Variants in MTERF4 observed in about 807,000 individuals in gnomAD.
MTERF4 encodes the protein transcription termination factor 4, mitochondrial.
MTERF4 carries 17 observed loss-of-function variants against 22.5 expected under a neutral mutation model. That is an observed-to-expected ratio of 0.75 (90% CI 0.52 to 1.13). The LOEUF (loss-of-function observed/expected upper bound fraction) is 1.13, where lower values mean the gene tolerates loss of function less well. MTERF4 is among the 50% of genes most tolerant of loss of function. The pLI, the probability that MTERF4 is intolerant of heterozygous loss-of-function variation, is 0.00. For missense variants in MTERF4, 420 were observed against 466.8 expected, an observed-to-expected ratio of 0.90 and a Z score of 0.92; for synonymous variants, 165 against 175.3, an observed-to-expected ratio of 0.94 and a Z score of 0.47.
At chr2:241,070,109 C>G (rs1464893360), downstream of MTERF4, 19 of 1,612,684 alleles carry the variant, frequency 1.2e-5, no homozygotes, top group Non-Finnish European at 1.6e-5. Flanking sequence ...GACCTGCTGC[C>G]GGGACGGCGG....
downstream of MTERF4, chr2:241,082,366 TA>T (rs1282344774): frequency 6.2e-7 from 1 of 1,611,770 alleles, no homozygotes; most frequent in East Asian, 2.2e-5. Context: ...TCACCACGTG[TA>T]AGTTGGTTTC....
the MTERF4 span, chr2:241,048,403 G>A: frequency 6.2e-7 from 1 of 1,611,608 alleles, no homozygotes; most frequent in Non-Finnish European, 8.5e-7. Context: ...ACGTGTGCGA[G>A]TGCCCCGAAG....
At chr2:241,071,902 C>A, downstream of MTERF4, 1 of 1,570,630 alleles carries the variant, frequency 6.4e-7, no homozygotes, top group Non-Finnish European at 8.7e-7. Flanking sequence ...CCTCCCCACC[C>A]ACCTTGGTGG....
chr2:241,052,066 C>A, the MTERF4 span: 1 of 1,613,862 alleles, frequency 6.2e-7, no homozygotes, highest in East Asian at 2.2e-5. Context: ...GTGCCTCTGG[C>A]CCCTGTCACA....
chr2:241,054,243 A>G, the MTERF4 span, among the ~76,000 whole-genome samples: 7 of 152,178 alleles, frequency 4.6e-5, no homozygotes, highest in African/African-American at 1.4e-4. Flanking sequence ...AGAGAATATG[A>G]GCAACCAGCC....
chr2:241,078,382 C>CAAAA (rs60965517), intron 4 of MTERF4, among the ~76,000 whole-genome samples: 4 of 116,170 alleles, frequency 3.4e-5, no homozygotes, highest in Admixed American at 8.6e-5. Context: ...GACTCCGTCT[C>CAAAA]AAAAAAAAAA....
the MTERF4 span, among the ~76,000 whole-genome samples, chr2:241,046,613 A>C: frequency 0.27 from 41,011 of 152,098 alleles, 5,913 homozygotes; most frequent in Middle Eastern, 0.35. Context: ...TATAGTGATG[A>C]ACAAATCAGT....
At chr2:241,058,218 T>A in the MTERF4 span, among the ~76,000 whole-genome samples, 1 of 152,264 alleles carries the variant, frequency 6.6e-6, no homozygotes, top group East Asian at 1.9e-4. Flanking sequence ...CAATGATAAT[T>A]GGTTCCGTTC....
In MTERF4 at chr2:241,073,068, G is replaced by C; in HGVS notation, n.3094C>G. The C allele has an allele frequency of 1.8e-6, 1 of 569,732 alleles. No homozygotes were observed. Among genetic ancestry groups the C allele is most frequent in the Non-Finnish European group, 3.1e-6 (1 of 319,366 alleles). The allele number at this position is 569,732 out of a possible 1,614,324, so 35.3% of individuals were successfully genotyped here. ...AAGGGGAAGGCCGAGCCCCTCCAGA[G>C]GGTCAGCAGGAGGGTGAGGCCAGCC... On this transcript the variant is annotated non_coding_transcript_exon_variant, in exon 5 of 5. Transcript: ENST00000464344. This position sits in a 1 kb window ranked among gnomAD's most constrained non-coding sequence, Gnocchi z 6.6.
downstream of MTERF4, among the ~76,000 whole-genome samples, chr2:241,069,534 C>T (rs1329594800): frequency 6.6e-6 from 1 of 152,200 alleles, no homozygotes. This position sits in a 1 kb window ranked among gnomAD's most constrained non-coding sequence, Gnocchi z 4.9. Flanking sequence ...CAGACCCCTG[C>T]CCACCTGTGC....
At chr2:241,087,770 G>A (rs1412860168), downstream of MTERF4, 12 of 1,103,872 alleles carry the variant, frequency 1.1e-5, no homozygotes, top group East Asian at 1.5e-4. Context: ...AGGGTGTTAC[G>A]GACAGCCCCG....
rs2064458328 is a variant in MTERF4 at position 241,096,870 on chromosome 2, G to C, written c.705+373C>G. On this transcript the variant is annotated intron_variant, in intron 3 of 3. Transcript: ENST00000391980. This position sits in a 1 kb window ranked among gnomAD's most constrained non-coding sequence, Gnocchi z 5.1. ...AATCAACATGCAAAATAGATTCTAA[G>C]GACAGGAAGGTTTCAGCTATTTTAA... 6 of 572,370 alleles carry C rather than the reference G, an allele frequency of 1.0e-5. No homozygotes were observed. Among genetic ancestry groups the C allele is most frequent in the Non-Finnish European group, 1.9e-5 (6 of 321,800 alleles). 35.5% of individuals were successfully genotyped at this position (572,370 alleles called of 1,614,324 possible).
chr2:241,062,580 G>A, the MTERF4 span, among the ~76,000 whole-genome samples: 11 of 152,118 alleles, frequency 7.2e-5, no homozygotes, highest in African/African-American at 2.7e-4. Flanking sequence ...TTTCAAGCCC[G>A]CCCTGCTGCT....
chr2:241,052,320 GAC>G, the MTERF4 span: 1 of 1,539,066 alleles, frequency 6.5e-7, no homozygotes, highest in Non-Finnish European at 8.8e-7. Flanking sequence ...CTTCAGGGAA[GAC>G]ACAGTGGCCA....
chr2:241,065,507 G>A, the MTERF4 span: 1 of 1,612,856 alleles, frequency 6.2e-7, no homozygotes, highest in African/African-American at 1.3e-5. Context: ...CGGCCGGCAG[G>A]GCCTACAACA....
At chr2:241,055,048 C>T in the MTERF4 span, among the ~76,000 whole-genome samples, 6 of 151,466 alleles carry the variant, frequency 4.0e-5, no homozygotes, top group African/African-American at 7.3e-5. Flanking sequence ...GCCTGGGAGG[C>T]GGAGGTTGCA....
chr2:241,072,173 C>T, exon 5 of MTERF4: 3 of 645,836 alleles, frequency 4.6e-6, no homozygotes, highest in Non-Finnish European at 8.6e-6. Context: ...AGGTCTGAGA[C>T]ATTACAGCAG....
At chr2:241,068,808 C>A, downstream of MTERF4, 1 of 762,554 alleles carries the variant, frequency 1.3e-6, no homozygotes, top group Non-Finnish European at 2.1e-6. This position sits in a 1 kb window ranked among gnomAD's most constrained non-coding sequence, Gnocchi z 5.3. Flanking sequence ...GCAGGATGAC[C>A]TCCCCGCAGT....
chr2:241,081,722 CT>C, intron 4 of MTERF4: 1 of 1,609,854 alleles, frequency 6.2e-7, no homozygotes, highest in Non-Finnish European at 8.5e-7. Context: ...AACGGAGGCA[CT>C]TGTGTGCCGG....
Sources: allele counts gnomAD v4.1 joint callset (sites outside exome capture counted in the v4.1 genomes callset), GRCh38; gene constraint gnomAD v4.1.1; non-coding constraint Gnocchi (gnomAD v3.1); transcripts MANE v1.5; gene names NCBI Gene and HGNC (gene_info 2026-07-23, HGNC 2026-07-21).